The following KIT variants were observed in gnomAD, a reference collection of about 807,000 sequenced individuals.
KIT encodes mast/stem cell growth factor receptor Kit.
Under a neutral mutation model 105.7 loss-of-function variants are expected in KIT, and 16 were observed. That is an observed-to-expected ratio of 0.15 (90% CI 0.10 to 0.23). The LOEUF (loss-of-function observed/expected upper bound fraction) is 0.23. Ranked by LOEUF, KIT falls within the 10% of genes least tolerant of loss-of-function variation. The probability of loss-of-function intolerance (pLI) is 1.00; values close to 1 mark genes in which losing one functional copy is unlikely to be tolerated. For synonymous variants in KIT, 438 were observed against 441.1 expected, an observed-to-expected ratio of 0.99 and a Z score of 0.09; for missense variants, 858 against 1,213.8, an observed-to-expected ratio of 0.71 and a Z score of 4.36.
intron 17 of KIT, among the ~76,000 whole-genome samples, chr4:54,734,476 C>T (rs945659938): frequency 6.6e-6 from 1 of 152,132 alleles, no homozygotes; most frequent in Admixed American, 6.6e-5. Context: ...TCTAAATAAT[C>T]GTGACGGTGG....
chr4:54,660,256 A>G (rs1283737945), intron 1 of KIT, among the ~76,000 whole-genome samples: 2 of 152,096 alleles, frequency 1.3e-5, no homozygotes, highest in Non-Finnish European at 2.9e-5. Flanking sequence ...TTCAATTCCC[A>G]TATATTCCTC....
intron 7 of KIT, 192 bp downstream of exon 7, chr4:54,709,731 G>T: frequency 1.5e-6 from 1 of 661,654 alleles, no homozygotes; most frequent in Non-Finnish European, 2.7e-6. Context: ...ACATTTCACT[G>T]ATCACATGAC....
At chr4:54,662,949 T>C (rs1415970524) in intron 1 of KIT, among the ~76,000 whole-genome samples, 1 of 151,944 alleles carries the variant, frequency 6.6e-6, no homozygotes, top group Non-Finnish European at 1.5e-5. Flanking sequence ...AAATCACTAG[T>C]CCTAGAGATT....
At chr4:54,672,703 A>G (rs1039901073) in intron 1 of KIT, among the ~76,000 whole-genome samples, 10 of 152,302 alleles carry the variant, frequency 6.6e-5, no homozygotes, top group Non-Finnish European at 5.9e-5. Flanking sequence ...CAGCAATTAT[A>G]TACTCTGCTG....
In KIT at chr4:54,731,422, G is replaced by C. The variant is rs2109792954; in HGVS notation, c.2233+3G>C. ...CAAAAGGAGATCTGTGAGAATAGGT[G>C]AGTACCTACCTATCAAGCAACCAAG... On this transcript the variant is annotated splice_donor_region_variant and intron_variant, in intron 15 of 20. Transcript: ENST00000288135. 1 of 1,595,000 alleles carries C rather than the reference G, an allele frequency of 6.3e-7. No homozygotes were observed. Among genetic ancestry groups the C allele is most frequent in the South Asian group, 1.1e-5 (1 of 90,674 alleles).
intron 1 of KIT, among the ~76,000 whole-genome samples, chr4:54,688,490 C>G (rs1031369508): frequency 6.6e-6 from 1 of 151,786 alleles, no homozygotes; most frequent in Non-Finnish European, 1.5e-5. Context: ...TATTTGTGTC[C>G]AAAAGAGGAC....
intron 1 of KIT, among the ~76,000 whole-genome samples, chr4:54,681,861 G>A (rs1346637658): frequency 2.0e-5 from 3 of 151,982 alleles, no homozygotes; most frequent in Non-Finnish European, 1.5e-5. Flanking sequence ...CCAACGTGGC[G>A]AAAACCTGAC....
chr4:54,692,738 C>G (rs114053876), intron 1 of KIT, among the ~76,000 whole-genome samples: 3,947 of 152,332 alleles, frequency 0.026, 65 homozygotes, highest in Non-Finnish European at 0.041. Flanking sequence ...TGCCCATATT[C>G]TTGCTGCCAC....
chr4:54,737,844 T>G (rs2109815845), intron 20 of KIT, among the ~76,000 whole-genome samples: 1 of 152,288 alleles, frequency 6.6e-6, no homozygotes, highest in African/African-American at 2.4e-5. Flanking sequence ...AATCCATTAT[T>G]TCCTCTCTTT....
chr4:54,705,836 C>G (rs777618756), intron 5 of KIT, among the ~76,000 whole-genome samples: 1 of 152,114 alleles, frequency 6.6e-6, no homozygotes, highest in Admixed American at 6.5e-5. Context: ...GAGCTGTGAT[C>G]GTGCCACTGT....
chr4:54,661,335 A>G (rs1184001692), intron 1 of KIT, among the ~76,000 whole-genome samples: 1 of 152,110 alleles, frequency 6.6e-6, no homozygotes, highest in Non-Finnish European at 1.5e-5. Context: ...CCCTTGGAGA[A>G]CATTTATGTA....
chr4:54,660,899 A>G (rs3819387), intron 1 of KIT, among the ~76,000 whole-genome samples: 43,189 of 152,076 alleles, frequency 0.28, 7,305 homozygotes, highest in Admixed American at 0.4. Flanking sequence ...GGAATACAGG[A>G]TGGCCAATGT....
chr4:54,737,869 G>A (rs1252677399), intron 20 of KIT, among the ~76,000 whole-genome samples: 1 of 152,208 alleles, frequency 6.6e-6, no homozygotes, highest in Non-Finnish European at 1.5e-5. Context: ...GCAAGAATTA[G>A]TGATACTTTG....
At chr4:54,688,432 C>T (rs901858570) in intron 1 of KIT, among the ~76,000 whole-genome samples, 5 of 151,326 alleles carry the variant, frequency 3.3e-5, no homozygotes, top group Admixed American at 3.3e-4. Context: ...TAGAATAGGC[C>T]TAATGTGGTG....
chr4:54,672,314 T>TCTC (rs139957883), intron 1 of KIT, among the ~76,000 whole-genome samples: 1 of 151,672 alleles, frequency 6.6e-6, no homozygotes, highest in Non-Finnish European at 1.5e-5. Flanking sequence ...GATTTTTTTT[T>TCTC]TAATGAGGGT....
rs1486897727 is a variant in KIT at position 54,674,694 on chromosome 4, T to A, written c.67+16613T>A. ...ATAAGTTATTAAAAATTTGTAACTA[T>A]CTGAAAACTGATTACTATGGAAATG... is the stretch of plus-strand genomic sequence containing the variant. On this transcript the variant is annotated intron_variant, in intron 1 of 20. Coordinates refer to ENST00000288135, the MANE Select transcript of KIT (RefSeq NM_000222.3). Among the ~76,000 whole-genome samples, 3 of 152,206 alleles carry A rather than the reference T, an allele frequency of 2.0e-5. No individual in the cohort carries two copies. The East Asian group carries it at 5.8e-4, about 29-fold the overall frequency.
chr4:54,699,961 C>A (rs976864547), intron 4 of KIT, among the ~76,000 whole-genome samples, 195 bp downstream of exon 4: 12 of 152,072 alleles, frequency 7.9e-5, no homozygotes, highest in Non-Finnish European at 1.6e-4. Context: ...TTATTAGTAA[C>A]AAATAAATTT....
chr4:54,727,268 A>T lies in KIT; in HGVS notation c.1591A>T (p.Ile531Phe), dbSNP rs2109774118. 6.2e-7 allele frequency: 1 copy of T among 1,614,178 alleles called. No homozygotes were observed. Among genetic ancestry groups the T allele is most frequent in the Non-Finnish European group, 8.5e-7 (1 of 1,180,022 alleles). ...LFTPLLIGFV[I>F]VAGMMCIIVM... ...CACTCCTTTGCTGATTGGTTTCGTA[A>T]TCGTAGCTGGCATGATGTGCATTAT... Residue 531 changes from isoleucine (I) to phenylalanine (F), a missense_variant, in exon 10 of 21, where the codon ATC (isoleucine) becomes TTC (phenylalanine). This residue lies in a region of KIT where 78 missense variants were observed against 77.6 expected (regional missense o/e 1.01). Transcript: ENST00000288135.
chr4:54,690,065 G>T (rs1229973238), intron 1 of KIT, among the ~76,000 whole-genome samples: 2 of 140,358 alleles, frequency 1.4e-5, no homozygotes, highest in South Asian at 2.4e-4. Context: ...TTGTGGGGGG[G>T]GGGGGCTGTG....
Sources: gnomAD v4.1 joint callset for allele counts (sites outside exome capture counted in the v4.1 genomes callset) on GRCh38, gnomAD v4.1.1 for gene constraint, gnomAD v4.1.1 regional missense constraint, MANE v1.5 for transcripts, NCBI Gene and HGNC (gene_info 2026-07-23, HGNC 2026-07-21) for gene names.